Variants in NAPA observed in about 807,000 individuals in gnomAD.
NAPA encodes NSF attachment protein alpha.
Under a neutral mutation model 48.0 loss-of-function variants are expected in NAPA, and 18 were observed. The ratio of observed to expected loss-of-function variants is 0.38; its 90% CI spans 0.26 to 0.56. The LOEUF (loss-of-function observed/expected upper bound fraction) is 0.56. Among genes scored for constraint, NAPA ranks in the 20% least tolerant of loss-of-function variants. The pLI, the probability that NAPA is intolerant of heterozygous loss-of-function variation, is 0.77. For missense variants in NAPA, 315 were observed against 385.0 expected (o/e 0.82, Z 1.52); for synonymous variants, 152 against 149.9 (o/e 1.01, Z -0.10).
chr19:47,491,028 T>G (rs545968832), intron 8 of NAPA, 172 bp from the exon 9 acceptor site: 2 of 560,026 alleles, frequency 3.6e-6, no homozygotes, highest in East Asian at 3.2e-5. Flanking sequence ...TTCCCGTAGC[T>G]GAGCTCAGCA....
At position 47,489,695 on chromosome 19, in the gene NAPA, C is replaced by T. The variant is rs1355881699; in HGVS notation, c.786+16G>A. ...ATCCCCGTGAAGGGGCCTGGCCCCC[C>T]ATGCTGGCCACTCACCGACTCGGTG... On this transcript the variant is annotated intron_variant, in intron 10 of 10. Coordinates refer to ENST00000263354, the MANE Select transcript of NAPA (RefSeq NM_003827.4). 1.2e-6 allele frequency: 2 copies of T among 1,613,800 alleles called. No homozygotes were observed. The highest frequency in any genetic ancestry group is 1.7e-6 in the Non-Finnish European group (2 of 1,179,840).
chr19:47,513,501 G>A (rs1177476314), intron 1 of NAPA, among the ~76,000 whole-genome samples: 5 of 152,212 alleles, frequency 3.3e-5, no homozygotes, highest in South Asian at 4.1e-4. Flanking sequence ...AAGTCATGAA[G>A]TAAGTGGCAG....
chr19:47,504,397 C>CAAAAA (rs11367620), intron 1 of NAPA, among the ~76,000 whole-genome samples: 41 of 57,086 alleles, frequency 7.2e-4, no homozygotes, highest in East Asian at 1.0e-3. Flanking sequence ...GACCTTGTCT[C>CAAAAA]AAAAAAAAAA....
chr19:47,484,571 G>A, downstream of NAPA: 1 of 196,170 alleles, frequency 5.1e-6, no homozygotes, highest in South Asian at 1.2e-4. Context: ...GCAAGGGGGT[G>A]GAGGTAGGTA....
downstream of NAPA, among the ~76,000 whole-genome samples, chr19:47,486,361 A>C (rs183479568): frequency 3.5e-3 from 536 of 152,256 alleles, 4 homozygotes; most frequent in African/African-American, 0.012. Flanking sequence ...TCTCAAAAAA[A>C]AAACAAACCC....
At chr19:47,492,203 C>G in intron 7 of NAPA, 84 bp from the exon 8 acceptor site, 1 of 1,229,004 alleles carries the variant, frequency 8.1e-7, no homozygotes, top group Non-Finnish European at 1.2e-6. Context: ...GGGGGGCCAG[C>G]TGGGAGCTGG....
Position 47,493,730 on chromosome 19 carries a change from T to A in NAPA, c.343-237A>T, listed in dbSNP as rs976985308. 1.3e-5 allele frequency: 7 copies of A among 549,742 alleles called. No individual in the cohort carries two copies. Among genetic ancestry groups the A allele is most frequent in the Admixed American group, 3.1e-5 (1 of 32,560 alleles). 34.1% of individuals were successfully genotyped at this position (549,742 alleles called of 1,614,324 possible). ...GAGCGGGTGATGTTGGACAAGCCAC[T>A]CCAGGGCCTTAGCCTAATTCCATCC... is the stretch of plus-strand genomic sequence containing the variant. On this transcript the variant is annotated intron_variant, in intron 4 of 10. Transcript: ENST00000263354. This position sits in a 1 kb window ranked among gnomAD's most constrained non-coding sequence, Gnocchi z 6.4.
chr19:47,494,494 T>C (rs1968364002), intron 4 of NAPA, among the ~76,000 whole-genome samples: 1 of 151,852 alleles, frequency 6.6e-6, no homozygotes, highest in East Asian at 1.9e-4. Context: ...TCCCAGCACT[T>C]TGGGAGGCCA....
At chr19:47,509,248 C>T (rs1190215841) in intron 1 of NAPA, among the ~76,000 whole-genome samples, 1 of 148,262 alleles carries the variant, frequency 6.7e-6, no homozygotes, top group Non-Finnish European at 1.5e-5. Context: ...GGGGTGCCTG[C>T]CACCCAGGAA....
intron 3 of NAPA, among the ~76,000 whole-genome samples, chr19:47,499,844 T>C (rs954719382): frequency 5.3e-5 from 8 of 152,238 alleles, no homozygotes; most frequent in African/African-American, 1.7e-4. Context: ...TCCAAGATTA[T>C]ATAGCTGCTT....
chr19:47,494,034 C>T (rs1018323347), intron 4 of NAPA, among the ~76,000 whole-genome samples: 3 of 152,218 alleles, frequency 2.0e-5, no homozygotes, highest in South Asian at 4.1e-4. Flanking sequence ...CAAGGGGCCT[C>T]GCACCTTCCA....
In NAPA at chr19:47,493,616, T is replaced by C; in HGVS notation, c.343-123A>G. Reference sequence around the variant, plus strand: ...CCTGTGAGGAGGTATGAAGAAGACCTGAGGTGTGAAGAAGATCGAGAGGTG... The same window carrying C: ...CCTGTGAGGAGGTATGAAGAAGACCCGAGGTGTGAAGAAGATCGAGAGGTG... On this transcript the variant is annotated intron_variant, in intron 4 of 10. Transcript: ENST00000263354. This position sits in a 1 kb window ranked among gnomAD's most constrained non-coding sequence, Gnocchi z 6.4. 1 of 812,838 alleles carries C rather than the reference T, an allele frequency of 1.2e-6. No individual in the cohort carries two copies. Among genetic ancestry groups the C allele is most frequent in the Non-Finnish European group, 2.1e-6 (1 of 475,948 alleles). 50.4% of individuals were successfully genotyped at this position (812,838 alleles called of 1,614,324 possible).
chr19:47,505,109 G>A (rs978825369), intron 1 of NAPA, among the ~76,000 whole-genome samples: 5 of 152,146 alleles, frequency 3.3e-5, no homozygotes, highest in African/African-American at 1.2e-4. Flanking sequence ...AGCCCGCGAG[G>A]TCTGTAGTCT....
chr19:47,511,524 C>T (rs773258593), intron 1 of NAPA, among the ~76,000 whole-genome samples: 7 of 152,212 alleles, frequency 4.6e-5, no homozygotes, highest in Non-Finnish European at 1.0e-4. Context: ...AGGGTGGCAG[C>T]TCTCCAACAC....
Position 47,492,039 on chromosome 19 carries a change from G to C in NAPA, c.642C>G (p.Phe214Leu), listed in dbSNP as rs777244040. The C allele has an allele frequency of 9.3e-6, 15 of 1,614,026 alleles. No homozygotes were observed. The highest frequency in any genetic ancestry group is 1.1e-5 in the Non-Finnish European group (13 of 1,179,984). The change falls in exon 8 of 11, where the codon TTC becomes TTG. Residue 214 changes from phenylalanine to leucine, a missense_variant. Physicochemically the swap from Phe to Leu is conservative, Grantham distance 22. Transcript: ENST00000263354. The part of the protein sequence containing the change: ...DYFFKAALCH[F>L]CIDMLNAKLA... ...CCTTGGCGTTGAGCATGTCGATGCA[G>C]AAGTGGCAGAGGGCCGCCTTGAAGA... is the stretch of plus-strand genomic sequence containing the variant.
chr19:47,498,810 G>A (rs1968498082), intron 3 of NAPA, among the ~76,000 whole-genome samples: 1 of 152,182 alleles, frequency 6.6e-6, no homozygotes, highest in Admixed American at 6.5e-5. Flanking sequence ...TGGCTGGCGT[G>A]CGTATCTTTA....
At position 47,514,960 on chromosome 19, in the gene NAPA, A is replaced by G. The variant is rs773021730; in HGVS notation, c.-20T>C. ...GTCCATGGCGGCCACAAAGGGACTC[A>G]GCAAAGCGCCTGACCCTGACCCTGG... On this transcript the variant is annotated 5_prime_UTR_variant, in exon 1 of 11. Transcript: ENST00000263354. 6.2e-6 allele frequency: 10 copies of G among 1,612,156 alleles called. No homozygotes were observed. The East Asian group carries it at 2.0e-4, about 32-fold the overall frequency.
At chr19:47,510,286 C>T (rs1968781617) in intron 1 of NAPA, among the ~76,000 whole-genome samples, 2 of 152,222 alleles carry the variant, frequency 1.3e-5, no homozygotes, top group African/African-American at 2.4e-5. Flanking sequence ...CCCAGGGTCC[C>T]GCCGTTATTG....
chr19:47,506,681 C>T lies in NAPA; in HGVS notation c.99-3179G>A, dbSNP rs573273648. On this transcript the variant is annotated intron_variant, in intron 1 of 10. Coordinates refer to ENST00000263354, the MANE Select transcript of NAPA (RefSeq NM_003827.4). The surrounding 1 kb of genome is among the most constrained non-coding windows in gnomAD (Gnocchi z 4.0). ...ACGGACACAAAGCCTACCAGCTGCC[C>T]GGGCTGAAACTCTGTGATCCCAGGC... Among the ~76,000 whole-genome samples, 16 of 152,318 alleles carry T rather than the reference C, an allele frequency of 1.1e-4. No homozygotes were observed. The highest frequency in any genetic ancestry group is 1.9e-4 in the African/African-American group (8 of 41,576).
Sources: gnomAD v4.1 joint callset for allele counts (sites outside exome capture counted in the v4.1 genomes callset) on GRCh38, gnomAD v4.1.1 for gene constraint, Gnocchi (gnomAD v3.1) non-coding constraint, MANE v1.5 for transcripts, NCBI Gene and HGNC (gene_info 2026-07-23, HGNC 2026-07-21) for gene names.